The following SLC6A17 variants were observed in gnomAD, a reference collection of about 807,000 sequenced individuals.
SLC6A17 encodes solute carrier family 6 member 17, also known as sodium-dependent neutral amino acid transporter SLC6A17.
Under a neutral mutation model 64.5 loss-of-function variants are expected in SLC6A17, and 21 were observed. The observed-to-expected ratio is 0.33, with a 90% CI of 0.23 to 0.47. The LOEUF (loss-of-function observed/expected upper bound fraction) is 0.47, where lower values mean the gene tolerates loss of function less well. SLC6A17 is among the 20% of genes least tolerant of loss of function. SLC6A17 has a pLI of 1.00. For synonymous variants in SLC6A17, 372 were observed against 399.5 expected (o/e 0.93, Z 0.82); for missense variants, 682 against 963.2 (o/e 0.71, Z 3.86).
intron 11 of SLC6A17, 123 bp downstream of exon 11, chr1:110,197,722 C>A: frequency 1.7e-6 from 2 of 1,144,702 alleles, no homozygotes; most frequent in Non-Finnish European, 2.4e-6. Context: ...AGGTGCCTCA[C>A]ACCTAAACCG....
intron 6 of SLC6A17, among the ~76,000 whole-genome samples, chr1:110,186,949 A>T (rs1656701160): frequency 6.6e-6 from 1 of 152,250 alleles, no homozygotes; most frequent in Non-Finnish European, 1.5e-5. Context: ...TCAGGAAAAA[A>T]TTACAGCCTA....
chr1:110,194,141 CT>C (rs1455938408), intron 8 of SLC6A17, among the ~76,000 whole-genome samples: 2 of 152,218 alleles, frequency 1.3e-5, no homozygotes, highest in Non-Finnish European at 2.9e-5. Flanking sequence ...TTTCTAAAGG[CT>C]CCGGTGTGCT....
chr1:110,153,355 T>A (rs183172736), intron 1 of SLC6A17, among the ~76,000 whole-genome samples: 1 of 152,292 alleles, frequency 6.6e-6, no homozygotes, highest in Non-Finnish European at 1.5e-5. Flanking sequence ...TGATTCCTGT[T>A]TTCCTGAAGG....
In SLC6A17 at chr1:110,198,706, G is replaced by T; in HGVS notation, c.*262G>T. Reference sequence around the variant, plus strand: ...AGAGCCTCCGCCAAATTGTAGCCATGTAATTGGAACAACCCATAAGGCCTG... The same window carrying T: ...AGAGCCTCCGCCAAATTGTAGCCATTTAATTGGAACAACCCATAAGGCCTG... On this transcript the variant is annotated 3_prime_UTR_variant, in exon 12 of 12. Transcript: ENST00000331565. 2.1e-6 allele frequency: 1 copy of T among 479,784 alleles called. No individual in the cohort carries two copies. The allele number at this position is 479,784 out of a possible 1,614,324, so 29.7% of individuals were successfully genotyped here.
intron 1 of SLC6A17, among the ~76,000 whole-genome samples, chr1:110,163,595 C>G (rs1655973184): frequency 6.6e-6 from 1 of 152,136 alleles, no homozygotes; most frequent in Admixed American, 6.5e-5. Context: ...CAGACGCTCA[C>G]ATAATTAAAG....
Position 110,198,559 on chromosome 1 carries a change from G to T in SLC6A17, c.*115G>T. The T allele has an allele frequency of 6.7e-7, 1 of 1,489,590 alleles. No individual in the cohort carries two copies. The highest frequency in any genetic ancestry group is 8.9e-7 in the Non-Finnish European group (1 of 1,122,438). 92.3% of individuals were successfully genotyped at this position (1,489,590 alleles called of 1,614,324 possible). Reference sequence around the variant, plus strand: ...CCAGGCCAGGCCCTTTGCCCAAGAAGAGAGGGTCTGCCCTGCCTCACTCCC... The same window carrying T: ...CCAGGCCAGGCCCTTTGCCCAAGAATAGAGGGTCTGCCCTGCCTCACTCCC... On this transcript the variant is annotated 3_prime_UTR_variant, in exon 12 of 12. Coordinates refer to ENST00000331565, the MANE Select transcript of SLC6A17 (RefSeq NM_001010898.4).
intron 2 of SLC6A17, among the ~76,000 whole-genome samples, chr1:110,170,024 T>A (rs6665015): frequency 0.48 from 72,724 of 151,650 alleles, 17,891 homozygotes; most frequent in Non-Finnish European, 0.53. Context: ...TTGTCTTTGC[T>A]CTCCCACCCC....
intron 1 of SLC6A17, among the ~76,000 whole-genome samples, chr1:110,166,606 C>A (rs1656061820): frequency 6.6e-6 from 1 of 152,170 alleles, no homozygotes; most frequent in African/African-American, 2.4e-5. Flanking sequence ...GCCTATTTTG[C>A]CCCTTTAGGT....
Position 110,198,615 on chromosome 1 carries a change from G to C in SLC6A17, c.*171G>C. The C allele has an allele frequency of 8.6e-7, 1 of 1,163,284 alleles. No individual in the cohort carries two copies. Among genetic ancestry groups the C allele is most frequent in the Non-Finnish European group, 1.2e-6 (1 of 847,682 alleles). 72.1% of individuals were successfully genotyped at this position (1,163,284 alleles called of 1,614,324 possible). A position where few individuals can be genotyped will look rare whatever the true frequency, so the allele number is the denominator to read the frequency against. ...CAGTCCCAGTAGACTCTGCTCCCTAGCCCTGAGCAGGAGGCTGGGAGCAGC... is the reference window on the plus strand; with the variant it reads ...CAGTCCCAGTAGACTCTGCTCCCTACCCCTGAGCAGGAGGCTGGGAGCAGC... On this transcript the variant is annotated 3_prime_UTR_variant, in exon 12 of 12. Coordinates refer to ENST00000331565, the MANE Select transcript of SLC6A17 (RefSeq NM_001010898.4).
intron 6 of SLC6A17, among the ~76,000 whole-genome samples, chr1:110,185,582 G>A (rs1656663546): frequency 6.6e-6 from 1 of 152,216 alleles, no homozygotes; most frequent in Admixed American, 6.5e-5. Flanking sequence ...TTGGCAGGAA[G>A]CTGTTCCTCT....
intron 1 of SLC6A17, among the ~76,000 whole-genome samples, chr1:110,162,329 G>A (rs1329958243): frequency 6.6e-6 from 1 of 152,236 alleles, no homozygotes; most frequent in African/African-American, 2.4e-5. Context: ...GCCTGGGGCA[G>A]GTGGCTTCTT....
intron 5 of SLC6A17, among the ~76,000 whole-genome samples, chr1:110,176,129 C>A (rs577984005): frequency 3.9e-5 from 6 of 152,096 alleles, no homozygotes; most frequent in Admixed American, 3.9e-4. Flanking sequence ...TAGACATGTG[C>A]GAGAAATGCT....
chr1:110,171,641 A>G (rs1189887146), intron 2 of SLC6A17, among the ~76,000 whole-genome samples: 1 of 151,672 alleles, frequency 6.6e-6, no homozygotes, highest in Non-Finnish European at 1.5e-5. Context: ...TCTGGGGGCG[A>G]GTAAGCCCCC....
chr1:110,155,614 C>T (rs935418865), intron 1 of SLC6A17, among the ~76,000 whole-genome samples: 6 of 152,162 alleles, frequency 3.9e-5, no homozygotes, highest in African/African-American at 1.4e-4. Context: ...CTGGGGTCAC[C>T]TCATTAGCTG....
intron 2 of SLC6A17, among the ~76,000 whole-genome samples, chr1:110,167,737 T>C (rs1461158236): frequency 6.6e-6 from 1 of 152,198 alleles, no homozygotes; most frequent in Non-Finnish European, 1.5e-5. Flanking sequence ...AAAGCACCAA[T>C]TTTATGTGAT....
Position 110,183,520 on chromosome 1 carries a change from G to C in SLC6A17, c.864+6781G>C, listed in dbSNP as rs187236168. On this transcript the variant is annotated intron_variant, in intron 6 of 11. Transcript: ENST00000331565. ...TCTATGTGTTTGGGTTTTCTTTTTG[G>C]GGTGATGAAGAGGTTTTAAAATTGA... Among the ~76,000 whole-genome samples the C allele has an allele frequency of 3.0e-4, 45 of 152,276 alleles. 1 individual carries two copies. In the East Asian group the frequency reaches 6.4e-3, roughly 22 times the overall value.
Position 110,173,953 on chromosome 1 carries a change from C to A in SLC6A17, c.445-20C>A, listed in dbSNP as rs201360643. On this transcript the variant is annotated intron_variant, in intron 3 of 11. Coordinates refer to ENST00000331565, the MANE Select transcript of SLC6A17 (RefSeq NM_001010898.4). ...GAGTTGCCTGCAGCCTCAGTGACCCCGCAGTGGGCTTGTCCCCAGGTCTGT... is the reference window on the plus strand; with the variant it reads ...GAGTTGCCTGCAGCCTCAGTGACCCAGCAGTGGGCTTGTCCCCAGGTCTGT... 2 of 1,611,612 alleles carry A rather than the reference C, an allele frequency of 1.2e-6. No homozygotes were observed. The highest frequency in any genetic ancestry group is 1.7e-5 in the Admixed American group (1 of 59,780).
At chr1:110,152,944 A>G (rs1050514799) in intron 1 of SLC6A17, among the ~76,000 whole-genome samples, 19 of 152,136 alleles carry the variant, frequency 1.2e-4, no homozygotes, top group Admixed American at 9.8e-4. Flanking sequence ...GGTGCTTCCC[A>G]TGTGATTAAG....
chr1:110,153,759 A>C (rs1557827332), intron 1 of SLC6A17, among the ~76,000 whole-genome samples: 2 of 152,312 alleles, frequency 1.3e-5, no homozygotes, highest in Middle Eastern at 6.8e-3. Flanking sequence ...TGCTAAGATA[A>C]GCAGCAGAAT....
Sources: allele counts gnomAD v4.1 joint callset (sites outside exome capture counted in the v4.1 genomes callset), GRCh38; gene constraint gnomAD v4.1.1; transcripts MANE v1.5; gene names NCBI Gene and HGNC (gene_info 2026-07-23, HGNC 2026-07-21).